Variants in CELF2 observed in about 807,000 individuals in gnomAD.
CELF2 encodes the protein CUGBP Elav-like family member 2.
Under a neutral mutation model 62.6 loss-of-function variants are expected in CELF2, and 8 were observed. The observed-to-expected ratio is 0.13, with a 90% CI of 0.07 to 0.23. The LOEUF (loss-of-function observed/expected upper bound fraction) is 0.23, where lower values mean the gene tolerates loss of function less well. CELF2 is among the 10% of genes least tolerant of loss of function. The probability of loss-of-function intolerance (pLI) is 1.00; values close to 1 mark genes in which losing one functional copy is unlikely to be tolerated. For missense variants in CELF2, 333 were observed against 671.0 expected (o/e 0.50, Z 5.56); for synonymous variants, 258 against 250.0 (o/e 1.03, Z -0.30).
chr10:11,056,123 A>G (rs1207336928), intron 1 of CELF2, among the ~76,000 whole-genome samples: 3 of 152,178 alleles, frequency 2.0e-5, no homozygotes, highest in Non-Finnish European at 2.9e-5. Context: ...GAAACTGGAG[A>G]TTTTTGTTAT....
intron 3 of CELF2, among the ~76,000 whole-genome samples, chr10:11,236,686 C>T (rs2071429716): frequency 6.6e-6 from 1 of 152,126 alleles, no homozygotes; most frequent in Non-Finnish European, 1.5e-5. Context: ...CACTATTAAC[C>T]CATGTTTTTA....
In CELF2 at chr10:10,994,201, T is replaced by C. The variant is rs150577332; in HGVS notation, c.89+74202T>C. Among the ~76,000 whole-genome samples, 378 of 152,318 alleles carry C rather than the reference T, an allele frequency of 2.5e-3. 2 individuals carry two copies. The highest frequency in any genetic ancestry group is 8.9e-3 in the African/African-American group (371 of 41,576). The stretch of plus-strand genomic sequence containing the variant: ...AAGGGGATATTTCATTATTTTTACA[T>C]TTGCAGAGTGTCTGTTTCTTTCTCT... On this transcript the variant is annotated intron_variant, in intron 2 of 13. Transcript: ENST00000636488.
At chr10:10,475,995 T>C in the CELF2 span, among the ~76,000 whole-genome samples, 1 of 152,104 alleles carries the variant, frequency 6.6e-6, no homozygotes, top group East Asian at 1.9e-4. Flanking sequence ...TAAAGTTAAC[T>C]GGAGACTGCT....
the CELF2 span, among the ~76,000 whole-genome samples, chr10:10,649,278 AGGG>A: frequency 9.2e-5 from 14 of 152,362 alleles, no homozygotes; most frequent in South Asian, 1.9e-3. Context: ...TGAGCATCTC[AGGG>A]TAAAAACATA....
the CELF2 span, among the ~76,000 whole-genome samples, chr10:10,713,253 T>C: frequency 1.3e-5 from 2 of 152,224 alleles, no homozygotes; most frequent in Non-Finnish European, 2.9e-5. Context: ...TTACTCATAA[T>C]GTCTATTCCT....
chr10:10,691,184 G>A, the CELF2 span, among the ~76,000 whole-genome samples: 1 of 151,174 alleles, frequency 6.6e-6, no homozygotes, highest in Non-Finnish European at 1.5e-5. Flanking sequence ...AGTCCCCAGA[G>A]TGTGATGTTC....
In CELF2 at chr10:11,117,154, A is replaced by G. The variant is rs1278457322; in HGVS notation, c.75-48332A>G. On this transcript the variant is annotated intron_variant, in intron 1 of 12. Transcript: ENST00000633077. This position sits in a 1 kb window ranked among gnomAD's most constrained non-coding sequence, Gnocchi z 4.1. ...TTGTAAATCACAGTGACAACCAGTG[A>G]TAACCTATTTTATTCCTTTATATCA... 6.6e-6 allele frequency among the ~76,000 whole-genome samples: 1 copy of G among 152,246 alleles called. No individual in the cohort carries two copies. The highest frequency in any genetic ancestry group is 1.5e-5 in the Non-Finnish European group (1 of 68,040).
rs150664001 is a variant in CELF2 at position 10,881,540 on chromosome 10, C to T, written c.54-38424C>T. Among the ~76,000 whole-genome samples, 975 of 152,298 alleles carry T rather than the reference C, an allele frequency of 6.4e-3. 6 individuals carry two copies. The highest frequency in any genetic ancestry group is 0.014 in the Middle Eastern group (4 of 294). On this transcript the variant is annotated intron_variant, in intron 1 of 13. Transcript: ENST00000636488. ...AGGTAAACCCACCCTCCAGATTTAG[C>T]ATCCTGAAACATTTTTCATATGTAA...
chr10:11,180,942 T>A (rs2073159477), intron 2 of CELF2, among the ~76,000 whole-genome samples: 1 of 152,222 alleles, frequency 6.6e-6, no homozygotes, highest in African/African-American at 2.4e-5. Context: ...CGATCTCGGC[T>A]CACTGCAAGT....
Position 11,242,336 on chromosome 10 carries a change from G to A in CELF2, c.355-6817G>A, listed in dbSNP as rs1354930523. On this transcript the variant is annotated intron_variant, in intron 3 of 12. Transcript: ENST00000633077. This position sits in a 1 kb window ranked among gnomAD's most constrained non-coding sequence, Gnocchi z 4.8. ...CAACATGAGTTCTCCTGTGTGTGAG[G>A]AGCCAGCTGTGCCCCCTGCCCGCAG... Among the ~76,000 whole-genome samples, 1 of 152,134 alleles carries A rather than the reference G, an allele frequency of 6.6e-6. No individual in the cohort carries two copies. Among genetic ancestry groups the A allele is most frequent in the Non-Finnish European group, 1.5e-5 (1 of 68,026 alleles).
chr10:11,214,038 C>T lies in CELF2; in HGVS notation c.272-3387C>T, dbSNP rs1045582837. On this transcript the variant is annotated intron_variant, in intron 2 of 12. Transcript: ENST00000633077. The surrounding 1 kb of genome is among the most constrained non-coding windows in gnomAD (Gnocchi z 4.2). ...GTAGCTCATGCCTATAGTCTAAGGG[C>T]TTTGGGAGGCCGAGGTGGGAGGACC... is the stretch of plus-strand genomic sequence containing the variant. Among the ~76,000 whole-genome samples, 6 of 152,132 alleles carry T rather than the reference C, an allele frequency of 3.9e-5. No homozygotes were observed. The highest frequency in any genetic ancestry group is 1.4e-4 in the African/African-American group (6 of 41,420).
rs1453597442 is a variant in CELF2, at chr10:10,995,124, G to T, written c.89+75125G>T. Among the ~76,000 whole-genome samples the T allele has an allele frequency of 6.6e-6, 1 of 152,126 alleles. No homozygotes were observed. The highest frequency in any genetic ancestry group is 2.4e-5 in the African/African-American group (1 of 41,414). On this transcript the variant is annotated intron_variant, in intron 2 of 13. Coordinates refer to the CELF2 transcript ENST00000636488. The surrounding 1 kb of genome is among the most constrained non-coding windows in gnomAD (Gnocchi z 4.7). ...AATTAAGCTGTGTCTTTCTAACTTG[G>T]TTATAAGTTCCTTAAGGGCAGGAGC... is the stretch of plus-strand genomic sequence containing the variant.
At chr10:11,233,697 A>G (rs1026333167) in intron 3 of CELF2, among the ~76,000 whole-genome samples, 2 of 152,034 alleles carry the variant, frequency 1.3e-5, no homozygotes, top group Non-Finnish European at 2.9e-5. Context: ...TCCTACATAC[A>G]CTTCACCTTT....
chr10:10,498,722 G>A, the CELF2 span, among the ~76,000 whole-genome samples: 1 of 152,186 alleles, frequency 6.6e-6, no homozygotes, highest in African/African-American at 2.4e-5. Flanking sequence ...AAGCAAGTGT[G>A]TGCATTAAAT....
At chr10:11,081,455 G>A (rs1428305047) in intron 1 of CELF2, among the ~76,000 whole-genome samples, 1 of 152,144 alleles carries the variant, frequency 6.6e-6, no homozygotes, top group African/African-American at 2.4e-5. Flanking sequence ...CAAAATGTTA[G>A]GGAAAGAGCA....
At chr10:10,518,182 C>T in the CELF2 span, among the ~76,000 whole-genome samples, 1 of 152,206 alleles carries the variant, frequency 6.6e-6, no homozygotes, top group Non-Finnish European at 1.5e-5. Context: ...CTGAATTCCA[C>T]TGTGGATGTT....
chr10:10,513,746 G>A, the CELF2 span, among the ~76,000 whole-genome samples: 4 of 152,082 alleles, frequency 2.6e-5, no homozygotes, highest in South Asian at 4.2e-4. Flanking sequence ...ATATAAACTC[G>A]CAGATTTCAC....
chr10:10,928,696 G>A lies in CELF2; in HGVS notation c.89+8697G>A, dbSNP rs919199261. Among the ~76,000 whole-genome samples the A allele has an allele frequency of 5.9e-5, 9 of 152,146 alleles. No homozygotes were observed. The highest frequency in any genetic ancestry group is 1.0e-4 in the Non-Finnish European group (7 of 68,024). On this transcript the variant is annotated intron_variant, in intron 2 of 13. Coordinates refer to the CELF2 transcript ENST00000636488. The surrounding 1 kb of genome is among the most constrained non-coding windows in gnomAD (Gnocchi z 4.8). Reference sequence around the variant, plus strand: ...GTTTCTTTGATACCTTCTCTGCCCTGAAGAGATTTATGTTCCTTCTGTTGG... The same window carrying A: ...GTTTCTTTGATACCTTCTCTGCCCTAAAGAGATTTATGTTCCTTCTGTTGG...
In CELF2 at chr10:11,165,573, C is replaced by A. The variant is rs752069249; in HGVS notation, c.162C>A (p.Ile54=). 1.2e-5 allele frequency: 19 copies of A among 1,614,100 alleles called. No individual in the cohort carries two copies. The East Asian group carries it at 2.4e-4, about 21-fold the overall frequency. The stretch of plus-strand genomic sequence containing the variant: ...CCATTAAGATGTTTGTCGGACAGAT[C>A]CCCCGGTCATGGTCGGAAAAGGAGC... ...PDAIKMFVGQ[I]PRSWSEKELK... is the part of the protein sequence containing the mutation. Residue 54 remains isoleucine (I), a synonymous_variant, in exon 2 of 13, where the codon ATC becomes ATA. Transcript: ENST00000633077. This position sits in a 1 kb window ranked among gnomAD's most constrained non-coding sequence, Gnocchi z 7.4.
Sources: gnomAD v4.1 joint callset for allele counts (sites outside exome capture counted in the v4.1 genomes callset) on GRCh38, gnomAD v4.1.1 for gene constraint, Gnocchi (gnomAD v3.1) non-coding constraint, MANE v1.5 for transcripts, NCBI Gene and HGNC (gene_info 2026-07-23, HGNC 2026-07-21) for gene names.